Variants in FREM1 observed in about 807,000 individuals in gnomAD.
FREM1 encodes FRAS1-related extracellular matrix protein 1.
A neutral mutation model predicts 210.1 loss-of-function variants in FREM1; 220 were observed. The ratio of observed to expected loss-of-function variants is 1.05; its 90% CI spans 0.94 to 1.17. The LOEUF is 1.17. Ranked by LOEUF, FREM1 falls within the 50% of genes most tolerant of loss-of-function variation. The pLI is 0.00. For synonymous variants in FREM1, 1,189 were observed against 980.2 expected (o/e 1.21, Z -3.98); for missense variants, 3,454 against 2,675.5 (o/e 1.29, Z -6.42).
intron 13 of FREM1, among the ~76,000 whole-genome samples, chr9:14,822,382 C>G (rs1044350218): frequency 5.9e-5 from 9 of 152,134 alleles, no homozygotes; most frequent in African/African-American, 2.2e-4. Flanking sequence ...AAAGAGAACG[C>G]CAGTGCAGGC....
intron 10 of FREM1, among the ~76,000 whole-genome samples, chr9:14,827,463 C>A (rs1822691134): frequency 6.6e-6 from 1 of 152,156 alleles, no homozygotes; most frequent in Admixed American, 6.5e-5. Context: ...CTTTTCTTGA[C>A]TTCTTATAGT....
At chr9:14,832,747 T>G (rs1017683470) in intron 10 of FREM1, among the ~76,000 whole-genome samples, 1 of 152,164 alleles carries the variant, frequency 6.6e-6, no homozygotes, top group Non-Finnish European at 1.5e-5. Context: ...GGCTTTTGGC[T>G]TCTCTCCCTG....
Position 14,746,956 on chromosome 9 carries a change from C to G in FREM1, c.6105G>C (p.Gly2035=). 1 of 1,613,294 alleles carries G rather than the reference C, an allele frequency of 6.2e-7. No individual in the cohort carries two copies. The highest frequency in any genetic ancestry group is 8.5e-7 in the Non-Finnish European group (1 of 1,179,694). Residue 2035 remains glycine (G), a synonymous_variant, in exon 34 of 37, where the codon GGG becomes GGC. Coordinates refer to ENST00000380880, the MANE Select transcript of FREM1 (RefSeq NM_001379081.2). ...GGGGACTCCAGGCTTTCCAGGCGAT[C>G]CCATTGCACTGATACAGCTTCTGGA... The part of the protein sequence containing the change: ...EGIQKLYQCN[G]IAWKAWSPQT...
chr9:14,857,329 T>C (rs1355500422), intron 5 of FREM1, among the ~76,000 whole-genome samples: 1 of 152,172 alleles, frequency 6.6e-6, no homozygotes, highest in Non-Finnish European at 1.5e-5. Flanking sequence ...GTACTGATGG[T>C]GGACCTAGAA....
At position 14,841,541 on chromosome 9, in the gene FREM1, A is replaced by G. The variant is rs1374351898; in HGVS notation, c.1787T>C (p.Ile596Thr). ...FLQRDLFNGI[I>T]YYRHFGGEIF... ...TTCTCCACCAAAATGACGATAATAAATGATTCCATTAAACAAATCCCTCTG... is the reference window on the plus strand; with the variant it reads ...TTCTCCACCAAAATGACGATAATAAGTGATTCCATTAAACAAATCCCTCTG... Residue 596 changes from isoleucine (I) to threonine (T), a missense_variant, in exon 10 of 37, where the codon ATT (isoleucine) becomes ACT (threonine). Coordinates refer to ENST00000380880, the MANE Select transcript of FREM1 (RefSeq NM_001379081.2). 6.2e-7 allele frequency: 1 copy of G among 1,612,468 alleles called. No individual in the cohort carries two copies. The highest frequency in any genetic ancestry group is 8.5e-7 in the Non-Finnish European group (1 of 1,178,830).
At chr9:14,788,614 T>A (rs1383447720) in intron 23 of FREM1, among the ~76,000 whole-genome samples, 1 of 152,204 alleles carries the variant, frequency 6.6e-6, no homozygotes, top group Non-Finnish European at 1.5e-5. Context: ...TTGGTAAAAT[T>A]TTACTTAAAG....
At chr9:14,767,818 G>A (rs1373581506) in intron 27 of FREM1, among the ~76,000 whole-genome samples, 1 of 152,042 alleles carries the variant, frequency 6.6e-6, no homozygotes, top group Non-Finnish European at 1.5e-5. Flanking sequence ...ATATATGTCA[G>A]AACCAAATAA....
intron 10 of FREM1, among the ~76,000 whole-genome samples, chr9:14,837,204 G>A (rs556773776): frequency 3.3e-4 from 50 of 152,160 alleles, no homozygotes; most frequent in Middle Eastern, 3.4e-3. Context: ...GCTTTTTCGC[G>A]GGCTACATGA....
rs1244150752 is a variant in FREM1, at chr9:14,836,313, C to T, written c.1881+5134G>A. Among the ~76,000 whole-genome samples, 2 of 152,174 alleles carry T rather than the reference C, an allele frequency of 1.3e-5. No individual in the cohort carries two copies. Among genetic ancestry groups the T allele is most frequent in the Non-Finnish European group, 2.9e-5 (2 of 68,032 alleles). ...TGTAGTATTTTGCTTAATTATTATC[C>T]TTATAACTGGGATAATAGTTACTGA... On this transcript the variant is annotated intron_variant, in intron 10 of 36. Coordinates refer to ENST00000380880, the MANE Select transcript of FREM1 (RefSeq NM_001379081.2). The surrounding 1 kb of genome is among the most constrained non-coding windows in gnomAD (Gnocchi z 4.9).
chr9:14,806,805 T>C lies in FREM1; in HGVS notation c.3130A>G (p.Thr1044Ala). 1.9e-6 allele frequency: 3 copies of C among 1,607,844 alleles called. No homozygotes were observed. The highest frequency in any genetic ancestry group is 2.5e-6 in the Non-Finnish European group (3 of 1,176,988). The change falls in exon 18 of 37, where the codon ACT (threonine) becomes GCT (alanine). Residue 1044 changes from threonine (T) to alanine (A), a missense_variant. Physicochemically the swap from Thr to Ala is moderately conservative, Grantham distance 58. Coordinates refer to ENST00000380880, the MANE Select transcript of FREM1 (RefSeq NM_001379081.2). ...TCAGTGGCGGACAAATGGTTAACAG[T>C]AAGGGCTGTTGAGCAGCCCTCATCT... ...VVDEGCSTAL[T>A]VNHLSATDPD...
chr9:14,787,964 A>G (rs1188156451), intron 23 of FREM1, among the ~76,000 whole-genome samples: 1 of 152,230 alleles, frequency 6.6e-6, no homozygotes, highest in Non-Finnish European at 1.5e-5. Context: ...CTCAATGTAA[A>G]CATCTCAAGA....
chr9:14,820,598 A>C (rs1356228673), intron 13 of FREM1, among the ~76,000 whole-genome samples: 1 of 152,232 alleles, frequency 6.6e-6, no homozygotes, highest in Non-Finnish European at 1.5e-5. Flanking sequence ...CAGTGCTGGT[A>C]CCAACTCCAG....
rs544791548 is a variant in FREM1, at chr9:14,804,828, A to G, written c.3471+128T>C. 26 of 625,982 alleles carry G rather than the reference A, an allele frequency of 4.2e-5. No homozygotes were observed. In the East Asian group the frequency reaches 4.6e-4, roughly 11 times the overall value. The allele number at this position is 625,982 out of a possible 1,614,324, so 38.8% of individuals were successfully genotyped here. On this transcript the variant is annotated intron_variant, in intron 19 of 36. Transcript: ENST00000380880. ...AATAATTTTCAAATGATTGCATTACATAACATAGCCTTCCCCACTCCTCAC... is the reference window on the plus strand; with the variant it reads ...AATAATTTTCAAATGATTGCATTACGTAACATAGCCTTCCCCACTCCTCAC...
rs79737289 is a variant in FREM1 at position 14,739,569 on chromosome 9, A to G, written c.6340+580T>C. On this transcript the variant is annotated intron_variant, in intron 36 of 36. Transcript: ENST00000380880. ...ATTTATATATACAAATATAATATAT[A>G]TTTATATTTATACATACACCACATG... 1.0e-4 allele frequency among the ~76,000 whole-genome samples: 15 copies of G among 147,346 alleles called. No homozygotes were observed. The East Asian group carries it at 2.7e-3, about 27-fold the overall frequency.
intron 27 of FREM1, among the ~76,000 whole-genome samples, chr9:14,761,535 T>A (rs1229273225): frequency 1.3e-5 from 2 of 152,184 alleles, no homozygotes; most frequent in African/African-American, 2.4e-5. Flanking sequence ...GAAACAGAAA[T>A]AAATGACTAC....
intron 36 of FREM1, among the ~76,000 whole-genome samples, chr9:14,739,821 G>A (rs1841192643): frequency 6.6e-6 from 1 of 151,498 alleles, no homozygotes; most frequent in Admixed American, 6.6e-5. Flanking sequence ...TCCTTCATGT[G>A]GCTGTACTAT....
chr9:14,808,026 G>A lies in FREM1; in HGVS notation c.3002C>T (p.Ser1001Phe), dbSNP rs949549735. Residue 1001 changes from serine to phenylalanine, a missense_variant, in exon 17 of 37, where the codon TCT becomes TTT. Coordinates refer to ENST00000380880, the MANE Select transcript of FREM1 (RefSeq NM_001379081.2). ...NGCCYNGPNP[S>F]VPLHASFPVY... Reference sequence around the variant, plus strand: ...TGGAAAGGACGCATGAAGTGGAACAGATGGATTGGGTCCATTGTAGCAACA... The same window carrying A: ...TGGAAAGGACGCATGAAGTGGAACAAATGGATTGGGTCCATTGTAGCAACA... 1 of 1,613,666 alleles carries A rather than the reference G, an allele frequency of 6.2e-7. No individual in the cohort carries two copies. Among genetic ancestry groups the A allele is most frequent in the Non-Finnish European group, 8.5e-7 (1 of 1,179,582 alleles).
chr9:14,879,012 C>T (rs1834295202), intron 1 of FREM1, among the ~76,000 whole-genome samples: 1 of 151,936 alleles, frequency 6.6e-6, no homozygotes, highest in African/African-American at 2.4e-5. Flanking sequence ...TGAAAATTAG[C>T]CAGGCATCGT....
chr9:14,774,616 G>C (rs750193437), intron 25 of FREM1, among the ~76,000 whole-genome samples: 2 of 151,738 alleles, frequency 1.3e-5, no homozygotes, highest in Non-Finnish European at 2.9e-5. Flanking sequence ...TCTGAAGTGA[G>C]AGATAAATTT....
Sources: gnomAD v4.1 joint callset for allele counts (sites outside exome capture counted in the v4.1 genomes callset) on GRCh38, gnomAD v4.1.1 for gene constraint, Gnocchi (gnomAD v3.1) non-coding constraint, MANE v1.5 for transcripts, NCBI Gene and HGNC (gene_info 2026-07-23, HGNC 2026-07-21) for gene names.